Variants in REV3L observed in about 807,000 individuals in gnomAD.
The protein encoded by REV3L is DNA polymerase zeta catalytic subunit.
In REV3L, 69 loss-of-function variants were observed where a neutral mutation model predicts 299.4. The observed-to-expected ratio is 0.23, with a 90% CI of 0.19 to 0.28. The LOEUF is 0.28. Among genes scored for constraint, REV3L ranks in the 10% least tolerant of loss-of-function variants. The pLI, the probability that REV3L is intolerant of heterozygous loss-of-function variation, is 1.00. For missense variants in REV3L, 3,128 were observed against 3,693.8 expected (o/e 0.85, Z 3.97); for synonymous variants, 1,238 against 1,271.4 (o/e 0.97, Z 0.56).
chr6:111,416,203 G>T, intron 2 of REV3L, 80 bp downstream of exon 2: 1 of 973,038 alleles, frequency 1.0e-6, no homozygotes, highest in Non-Finnish European at 1.4e-6. Flanking sequence ...AAGAAATAGA[G>T]TTTATCAACT....
intron 1 of REV3L, 105 bp from the exon 2 acceptor site, chr6:111,416,577 A>G (rs1784786751): frequency 1.1e-6 from 1 of 914,616 alleles, no homozygotes; most frequent in African/African-American, 1.7e-5. Context: ...CAGCTTATCT[A>G]AGGGAAGAGT....
intron 29 of REV3L, 91 bp from the exon 30 acceptor site, chr6:111,310,190 A>G: frequency 7.2e-7 from 1 of 1,398,332 alleles, no homozygotes. Flanking sequence ...CAATAATAAA[A>G]CAATGAAAAA....
chr6:111,420,526 G>A (rs948833267), intron 1 of REV3L, among the ~76,000 whole-genome samples: 1 of 152,092 alleles, frequency 6.6e-6, no homozygotes, highest in Non-Finnish European at 1.5e-5. Context: ...TCCTCTGAAG[G>A]TTCCCTCTTA....
chr6:111,358,629 C>G (rs1157897693), intron 17 of REV3L, among the ~76,000 whole-genome samples, 193 bp downstream of exon 17: 1 of 152,140 alleles, frequency 6.6e-6, no homozygotes, highest in Non-Finnish European at 1.5e-5. Flanking sequence ...CTGTGCCTGG[C>G]TGCTTCTGAC....
At chr6:111,399,191 T>C (rs1433463027) in intron 4 of REV3L, among the ~76,000 whole-genome samples, 1 of 152,230 alleles carries the variant, frequency 6.6e-6, no homozygotes, top group Non-Finnish European at 1.5e-5. Flanking sequence ...GTATATACTC[T>C]AGAAACTCTT....
intron 1 of REV3L, among the ~76,000 whole-genome samples, chr6:111,477,268 C>T (rs987257598): frequency 9.2e-5 from 14 of 152,082 alleles, no homozygotes; most frequent in African/African-American, 2.9e-4. Context: ...AATTAATAGA[C>T]GAGTTTCAAG....
chr6:111,380,258 T>TA, intron 10 of REV3L, 39 bp from the exon 11 acceptor site: 1 of 1,459,002 alleles, frequency 6.9e-7, no homozygotes, highest in Non-Finnish European at 9.5e-7. Context: ...AAATAAGTTT[T>TA]CTTTTTTTTT....
intron 1 of REV3L, among the ~76,000 whole-genome samples, chr6:111,474,383 G>A (rs754924500): frequency 3.4e-4 from 51 of 152,184 alleles, no homozygotes; most frequent in Non-Finnish European, 5.1e-4. Flanking sequence ...GCACCTTGTG[G>A]TAGGTGGCAT....
chr6:111,462,669 A>T (rs965983240), intron 1 of REV3L, among the ~76,000 whole-genome samples: 5 of 152,186 alleles, frequency 3.3e-5, no homozygotes, highest in African/African-American at 1.2e-4. Context: ...ATATTGGTGA[A>T]GATGTGGAAC....
chr6:111,357,176 C>G (rs1314336615), intron 17 of REV3L, 51 bp from the exon 18 acceptor site: 1 of 617,552 alleles, frequency 1.6e-6, no homozygotes, highest in Non-Finnish European at 2.5e-6. Context: ...TAATAATATA[C>G]CTTCATAATA....
chr6:111,411,187 A>G lies in REV3L; in HGVS notation c.404+293T>C, dbSNP rs17539323. ...AGCAACTTTCTCTTAATGCTGAACTAAGGTCTGGCCAGAAGAGGCCTAACA... is the reference window on the plus strand; with the variant it reads ...AGCAACTTTCTCTTAATGCTGAACTGAGGTCTGGCCAGAAGAGGCCTAACA... On this transcript the variant is annotated intron_variant, in intron 3 of 31. Transcript: ENST00000368802. Among the ~76,000 whole-genome samples, 1,295 of 152,236 alleles carry G rather than the reference A, an allele frequency of 8.5e-3. 13 individuals are homozygous for G. The highest frequency in any genetic ancestry group is 0.012 in the Non-Finnish European group (796 of 68,010).
chr6:111,451,040 T>C (rs749363198), intron 1 of REV3L, among the ~76,000 whole-genome samples: 1 of 152,204 alleles, frequency 6.6e-6, no homozygotes, highest in African/African-American at 2.4e-5. Context: ...TAAAAAACAT[T>C]ACAGGTTCAC....
chr6:111,377,445 T>C (rs1013949418), intron 12 of REV3L, among the ~76,000 whole-genome samples: 4 of 152,126 alleles, frequency 2.6e-5, no homozygotes, highest in Admixed American at 6.6e-5. Flanking sequence ...CAAGTAAGCC[T>C]CCCACCTCAG....
intron 21 of REV3L, among the ~76,000 whole-genome samples, chr6:111,336,319 A>G (rs1262662860): frequency 6.6e-6 from 1 of 152,088 alleles, no homozygotes; most frequent in Non-Finnish European, 1.5e-5. Context: ...ACTATAAGGA[A>G]TAAAATTTAT....
intron 1 of REV3L, among the ~76,000 whole-genome samples, chr6:111,423,939 CTAAATGGATATT>C (rs1785871145): frequency 6.6e-6 from 1 of 152,090 alleles, no homozygotes; most frequent in African/African-American, 2.4e-5. Context: ...TATAGAATTT[CTAAATGGATATT>C]TAAATGAAAC....
intron 4 of REV3L, among the ~76,000 whole-genome samples, chr6:111,397,101 TA>T (rs1284984896): frequency 6.6e-6 from 1 of 151,914 alleles, no homozygotes; most frequent in Non-Finnish European, 1.5e-5. Context: ...TTTTTTTTTT[TA>T]GTCTCTATTT....
chr6:111,482,725 C>A lies in REV3L; in HGVS notation c.139+25G>T. On this transcript the variant is annotated intron_variant, in intron 1 of 31. Coordinates refer to ENST00000368802, the MANE Select transcript of REV3L (RefSeq NM_001372078.1). Reference sequence around the variant, plus strand: ...CCGGCGCCCCGCCGACTCCCGCTCCCGCCCCGCGCCCGGCGCCCGCTTACC... The same window carrying A: ...CCGGCGCCCCGCCGACTCCCGCTCCAGCCCCGCGCCCGGCGCCCGCTTACC... 1.5e-6 allele frequency: 2 copies of A among 1,310,532 alleles called. 1 individual carries two copies. The highest frequency in any genetic ancestry group is 4.4e-5 in the South Asian group (2 of 45,488). The allele number at this position is 1,310,532 out of a possible 1,614,324, so 81.2% of individuals were successfully genotyped here.
chr6:111,348,517 C>T (rs1777250491), intron 20 of REV3L, among the ~76,000 whole-genome samples: 1 of 152,128 alleles, frequency 6.6e-6, no homozygotes, highest in Non-Finnish European at 1.5e-5. Context: ...GAAGCTCCTT[C>T]CTATTTCTAG....
chr6:111,442,891 C>CTG (rs1788430175), intron 1 of REV3L, among the ~76,000 whole-genome samples: 1 of 151,974 alleles, frequency 6.6e-6, no homozygotes, highest in Non-Finnish European at 1.5e-5. Context: ...GTCTCTCTCT[C>CTG]TGTGTGTATG....
Sources: gnomAD v4.1 joint callset for allele counts (sites outside exome capture counted in the v4.1 genomes callset) on GRCh38, gnomAD v4.1.1 for gene constraint, MANE v1.5 for transcripts, NCBI Gene and HGNC (gene_info 2026-07-23, HGNC 2026-07-21) for gene names.